The following AFF3 variants were observed in gnomAD, a reference collection of about 807,000 sequenced individuals.
The protein encoded by AFF3 is ALF transcription elongation factor 3.
AFF3 carries 32 observed loss-of-function variants against 129.7 expected under a neutral mutation model. The observed-to-expected ratio is 0.25, with a 90% CI of 0.19 to 0.33. AFF3 has a LOEUF of 0.33. Ranked by LOEUF, AFF3 falls within the 10% of genes least tolerant of loss-of-function variation. The pLI is 1.00. For synonymous variants in AFF3, 644 were observed against 635.4 expected, an observed-to-expected ratio of 1.01 and a Z score of -0.20; for missense variants, 1,373 against 1,592.0, an observed-to-expected ratio of 0.86 and a Z score of 2.34.
intron 4 of AFF3, among the ~76,000 whole-genome samples, chr2:100,085,924 C>T (rs1238589950): frequency 3.9e-5 from 6 of 151,994 alleles, no homozygotes; most frequent in Non-Finnish European, 4.4e-5. Flanking sequence ...TGACTGTGCC[C>T]GCTGACTGAG....
At chr2:100,003,151 T>C (rs1681593719) in intron 7 of AFF3, among the ~76,000 whole-genome samples, 1 of 152,140 alleles carries the variant, frequency 6.6e-6, no homozygotes, top group Admixed American at 6.5e-5. Flanking sequence ...GTTATATGTC[T>C]TTGAAATAAT....
chr2:99,733,233 G>C (rs1160644785), intron 10 of AFF3, among the ~76,000 whole-genome samples: 1 of 151,880 alleles, frequency 6.6e-6, no homozygotes, highest in African/African-American at 2.4e-5. Flanking sequence ...TAAAAAATTA[G>C]CCGGGTGTGG....
intron 14 of AFF3, among the ~76,000 whole-genome samples, chr2:99,596,645 C>G (rs1679318629): frequency 6.6e-6 from 1 of 152,180 alleles, no homozygotes; most frequent in Non-Finnish European, 1.5e-5. Context: ...TCCCTCACTG[C>G]TACCATCCGG....
chr2:99,772,048 G>T (rs762631749), intron 8 of AFF3, among the ~76,000 whole-genome samples: 1 of 152,166 alleles, frequency 6.6e-6, no homozygotes, highest in African/African-American at 2.4e-5. Flanking sequence ...TGCCTTCTTG[G>T]TTCTCTCGTC....
intron 13 of AFF3, 112 bp downstream of exon 13, chr2:99,649,514 C>T: frequency 8.4e-7 from 1 of 1,184,534 alleles, no homozygotes; most frequent in Non-Finnish European, 1.2e-6. Flanking sequence ...GTTTAACATC[C>T]CAGTTCAGAG....
At chr2:99,943,632 C>G (rs895069166) in intron 7 of AFF3, among the ~76,000 whole-genome samples, 3 of 152,172 alleles carry the variant, frequency 2.0e-5, no homozygotes, top group Non-Finnish European at 4.4e-5. Flanking sequence ...CAAAGACTTT[C>G]TATCCTTTCA....
At chr2:100,014,975 T>G (rs1381448359) in intron 4 of AFF3, among the ~76,000 whole-genome samples, 1 of 141,176 alleles carries the variant, frequency 7.1e-6, no homozygotes, top group Non-Finnish European at 1.5e-5. Flanking sequence ...TTTTTTTTTT[T>G]TTGTATATTT....
chr2:100,016,574 G>C, intron 4 of AFF3, among the ~76,000 whole-genome samples: 1 of 150,146 alleles, frequency 6.7e-6, no homozygotes, highest in Admixed American at 6.6e-5. Flanking sequence ...TGGTGAACAT[G>C]TTAGTGACAG....
At chr2:99,835,819 C>T (rs980557494) in intron 8 of AFF3, among the ~76,000 whole-genome samples, 19 of 152,132 alleles carry the variant, frequency 1.2e-4, no homozygotes, top group African/African-American at 4.1e-4. Flanking sequence ...GGTGGGTCCA[C>T]GTTCTCTCTT....
At chr2:99,697,381 A>T (rs1288334743) in intron 11 of AFF3, among the ~76,000 whole-genome samples, 4 of 152,196 alleles carry the variant, frequency 2.6e-5, no homozygotes, top group African/African-American at 4.8e-5. Context: ...TATGGTTGAG[A>T]TTGTAGATAT....
intron 7 of AFF3, among the ~76,000 whole-genome samples, chr2:99,936,205 G>A (rs946966158): frequency 7.2e-5 from 11 of 152,248 alleles, no homozygotes; most frequent in Admixed American, 6.5e-4. Context: ...TGGCTGGTAC[G>A]GAAAGATTAG....
At chr2:99,841,707 T>C (rs1689332203) in intron 7 of AFF3, among the ~76,000 whole-genome samples, 1 of 152,152 alleles carries the variant, frequency 6.6e-6, no homozygotes, top group Non-Finnish European at 1.5e-5. Flanking sequence ...TCAATGACTT[T>C]AACAGATGGA....
At chr2:99,587,108 C>G in intron 16 of AFF3, 46 bp downstream of exon 16, 1 of 1,609,890 alleles carries the variant, frequency 6.2e-7, no homozygotes, top group South Asian at 1.1e-5. Flanking sequence ...CTTTCAGACC[C>G]AGAGATCTCT....
At chr2:99,559,105 C>A in intron 21 of AFF3, 137 bp from the exon 22 acceptor site, 1 of 680,060 alleles carries the variant, frequency 1.5e-6, no homozygotes, top group South Asian at 1.9e-5. Context: ...TCTATACGTG[C>A]ATATAATGTC....
intron 7 of AFF3, among the ~76,000 whole-genome samples, chr2:99,860,823 TG>T (rs1690933239): frequency 6.6e-6 from 1 of 152,190 alleles, no homozygotes; most frequent in Non-Finnish European, 1.5e-5. Context: ...TGTGTAAAGA[TG>T]ATCACAATAA....
At chr2:99,786,774 T>G (rs1238982379) in intron 8 of AFF3, among the ~76,000 whole-genome samples, 2 of 152,172 alleles carry the variant, frequency 1.3e-5, no homozygotes, top group African/African-American at 4.8e-5. Context: ...TAGTGATGGA[T>G]TCAATGTGCC....
intron 4 of AFF3, among the ~76,000 whole-genome samples, chr2:100,087,253 CT>C (rs1462320494): frequency 6.6e-6 from 1 of 152,142 alleles, no homozygotes; most frequent in Non-Finnish European, 1.5e-5. Flanking sequence ...TTTTTTACCC[CT>C]GTGCTAAATA....
chr2:99,881,001 A>G (rs1241438756), intron 7 of AFF3, among the ~76,000 whole-genome samples: 2 of 152,320 alleles, frequency 1.3e-5, no homozygotes, highest in South Asian at 2.1e-4. Flanking sequence ...GCTACCCGCT[A>G]TTCCAACAGG....
intron 7 of AFF3, among the ~76,000 whole-genome samples, chr2:99,943,091 C>T (rs1675211487): frequency 6.6e-6 from 1 of 152,188 alleles, no homozygotes; most frequent in Non-Finnish European, 1.5e-5. Flanking sequence ...CACTAAAACA[C>T]CATTCCTGTT....
Sources: allele counts gnomAD v4.1 joint callset (sites outside exome capture counted in the v4.1 genomes callset), GRCh38; gene constraint gnomAD v4.1.1; transcripts MANE v1.5; gene names NCBI Gene and HGNC (gene_info 2026-07-23, HGNC 2026-07-21).